FIP1L1: variants seen among roughly 807,000 people sequenced by gnomAD.
The protein encoded by FIP1L1 is factor interacting with PAPOLA and CPSF1.
In FIP1L1, 21 loss-of-function variants were observed where a neutral mutation model predicts 84.6. That is an observed-to-expected ratio of 0.25 (90% CI 0.18 to 0.36). The LOEUF (loss-of-function observed/expected upper bound fraction) is 0.36, where lower values mean the gene tolerates loss of function less well. Among genes scored for constraint, FIP1L1 ranks in the 10% least tolerant of loss-of-function variants. FIP1L1 has a pLI of 1.00. For synonymous variants in FIP1L1, 263 were observed against 242.3 expected (o/e 1.09, Z -0.80); for missense variants, 526 against 751.1 (o/e 0.70, Z 3.50).
intron 10 of FIP1L1, among the ~76,000 whole-genome samples, chr4:53,408,609 CT>C (rs1755192578): frequency 6.6e-6 from 1 of 152,190 alleles, no homozygotes. Context: ...TGGTTCCATT[CT>C]CCCCGTCACT....
In FIP1L1 at chr4:53,460,103, A is replaced by G; in HGVS notation, c.*654A>G. 1 of 199,942 alleles carries G rather than the reference A, an allele frequency of 5.0e-6. No individual in the cohort carries two copies. The highest frequency in any genetic ancestry group is 1.0e-5 in the Non-Finnish European group (1 of 96,948). The allele number at this position is 199,942 out of a possible 1,614,324, so 12.4% of individuals were successfully genotyped here. A position where few individuals can be genotyped will look rare whatever the true frequency, so the allele number is the denominator to read the frequency against. On this transcript the variant is annotated 3_prime_UTR_variant, in exon 18 of 18. Transcript: ENST00000337488. The stretch of plus-strand genomic sequence containing the variant: ...TAGTTTCTAGGAGGCATGTGTACAC[A>G]CACTCTTCATTGTGGCACAAATTTA...
chr4:53,403,501 A>G (rs1365298464), intron 10 of FIP1L1, among the ~76,000 whole-genome samples: 1 of 152,220 alleles, frequency 6.6e-6, no homozygotes, highest in African/African-American at 2.4e-5. Flanking sequence ...AATGAGAAAT[A>G]AGTTTCTTTA....
At chr4:53,393,002 A>G (rs1745112000) in intron 9 of FIP1L1, among the ~76,000 whole-genome samples, 1 of 152,188 alleles carries the variant, frequency 6.6e-6, no homozygotes, top group Non-Finnish European at 1.5e-5. Context: ...ATGTGTGGCA[A>G]ACATTTTTTC....
In FIP1L1 at chr4:53,457,641, A is replaced by G. The variant is rs561708823; in HGVS notation, c.1500-1012A>G. 2.0e-5 allele frequency among the ~76,000 whole-genome samples: 3 copies of G among 152,222 alleles called. No homozygotes were observed. In the South Asian group the frequency reaches 6.2e-4, roughly 32 times the overall value. On this transcript the variant is annotated intron_variant, in intron 16 of 17. Transcript: ENST00000337488. ...ATTCCTTACCATCTTGATGTTTCAT[A>G]CAAATTACTACTTTCATAATTCATA...
At position 53,427,877 on chromosome 4, in the gene FIP1L1, A is replaced by AC. The variant is rs1764977997; in HGVS notation, c.1018-150_1018-149insC. 5 of 606,916 alleles carry AC rather than the reference A, an allele frequency of 8.2e-6. No individual in the cohort carries two copies. In the Admixed American group the frequency reaches 1.2e-4, roughly 15 times the overall value. 37.6% of individuals were successfully genotyped at this position (606,916 alleles called of 1,614,324 possible). A position where few individuals can be genotyped will look rare whatever the true frequency, so the allele number is the denominator to read the frequency against. On this transcript the variant is annotated intron_variant, in intron 12 of 17. Transcript: ENST00000337488. ...AGGCGTATGTATACACATATCACAC[A>AC]TGTAGAACTATTACTCTCCCCCCAA... is the stretch of plus-strand genomic sequence containing the variant.
chr4:53,436,541 G>A (rs1318494558), intron 13 of FIP1L1, among the ~76,000 whole-genome samples: 1 of 152,100 alleles, frequency 6.6e-6, no homozygotes. Context: ...AACATCCTTT[G>A]ATTTTTTTTG....
chr4:53,435,827 G>A (rs541272984), intron 13 of FIP1L1, among the ~76,000 whole-genome samples: 8 of 14,376 alleles, frequency 5.6e-4, no homozygotes, highest in East Asian at 5.3e-3. Flanking sequence ...GATGATACAC[G>A]TGTGTGTGCG....
intron 1 of FIP1L1, 49 bp downstream of exon 1, chr4:53,377,972 C>T (rs1179404307): frequency 1.4e-6 from 2 of 1,454,648 alleles, no homozygotes; most frequent in Admixed American, 2.4e-5. Flanking sequence ...GGCCTCCCCT[C>T]TTGGCCCTCA....
intron 15 of FIP1L1, among the ~76,000 whole-genome samples, chr4:53,445,687 G>C (rs1279496503): frequency 6.6e-6 from 1 of 152,158 alleles, no homozygotes; most frequent in Non-Finnish European, 1.5e-5. Flanking sequence ...CTGGTGCCTT[G>C]TCCATGCCGA....
At chr4:53,444,657 C>T (rs1773431281) in intron 15 of FIP1L1, among the ~76,000 whole-genome samples, 2 of 151,942 alleles carry the variant, frequency 1.3e-5, no homozygotes, top group Admixed American at 1.3e-4. Context: ...TGCAGTGGTG[C>T]GATCATGGCT....
At chr4:53,421,900 G>C (rs1762566415) in intron 11 of FIP1L1, among the ~76,000 whole-genome samples, 1 of 152,096 alleles carries the variant, frequency 6.6e-6, no homozygotes, top group African/African-American at 2.4e-5. Context: ...AGAGAACCAT[G>C]TTGCTAGTTA....
intron 5 of FIP1L1, among the ~76,000 whole-genome samples, chr4:53,385,506 C>CA (rs1170212821): frequency 6.6e-6 from 1 of 151,962 alleles, no homozygotes; most frequent in Admixed American, 6.5e-5. Flanking sequence ...CAAAACTCTT[C>CA]AAAAAAACAA....
chr4:53,379,090 G>A lies in FIP1L1; in HGVS notation c.103G>A (p.Val35Met). The change falls in exon 2 of 18, where the codon GTG becomes ATG. Residue 35 changes from valine (V) to methionine (M), a missense_variant. This residue lies in a region of FIP1L1 where 100 missense variants were observed against 107.2 expected (regional missense o/e 0.93). Transcript: ENST00000337488. Reference sequence around the variant, plus strand: ...GCTTATAGGCCCATGGGACGTGCATGTGCACAGTGATTTGGCAAAGGACCT... The same window carrying A: ...GCTTATAGGCCCATGGGACGTGCATATGCACAGTGATTTGGCAAAGGACCT... ...WLYGGPWDVH[V>M]HSDLAKDLDE... 1 of 1,614,078 alleles carries A rather than the reference G, an allele frequency of 6.2e-7. No homozygotes were observed. Among genetic ancestry groups the A allele is most frequent in the Non-Finnish European group, 8.5e-7 (1 of 1,179,966 alleles).
chr4:53,415,136 A>T (rs1196026352), intron 11 of FIP1L1, among the ~76,000 whole-genome samples: 1 of 152,134 alleles, frequency 6.6e-6, no homozygotes, highest in Non-Finnish European at 1.5e-5. Flanking sequence ...TTCCAATCTT[A>T]TACCCACTAC....
At chr4:53,436,341 C>T (rs1769189378) in intron 13 of FIP1L1, among the ~76,000 whole-genome samples, 1 of 152,230 alleles carries the variant, frequency 6.6e-6, no homozygotes, top group South Asian at 2.1e-4. Flanking sequence ...TGTCTCCAAG[C>T]TCACTCACCT....
intron 11 of FIP1L1, among the ~76,000 whole-genome samples, chr4:53,420,516 TGTA>T (rs1762006371): frequency 6.6e-6 from 1 of 151,816 alleles, no homozygotes; most frequent in South Asian, 2.1e-4. Context: ...TCTCTTTAAA[TGTA>T]GTACTGATAG....
intron 16 of FIP1L1, among the ~76,000 whole-genome samples, chr4:53,458,003 G>A (rs1416017270): frequency 6.6e-6 from 1 of 151,840 alleles, no homozygotes; most frequent in Non-Finnish European, 1.5e-5. Context: ...TATTAGCCAT[G>A]TAGCCCCCCT....
intron 10 of FIP1L1, among the ~76,000 whole-genome samples, chr4:53,406,713 C>G (rs982464398): frequency 1.3e-5 from 2 of 152,152 alleles, no homozygotes; most frequent in African/African-American, 4.8e-5. Flanking sequence ...TTCAGGGATT[C>G]AACTTCTTCC....
intron 10 of FIP1L1, among the ~76,000 whole-genome samples, chr4:53,406,441 G>C (rs188300863): frequency 1.1e-3 from 165 of 152,276 alleles, no homozygotes; most frequent in African/African-American, 3.8e-3. Flanking sequence ...TTGCGTCAAT[G>C]TTCATCAGGG....
Sources: gnomAD v4.1 joint callset for allele counts (sites outside exome capture counted in the v4.1 genomes callset) on GRCh38, gnomAD v4.1.1 for gene constraint, gnomAD v4.1.1 regional missense constraint, MANE v1.5 for transcripts, NCBI Gene and HGNC (gene_info 2026-07-23, HGNC 2026-07-21) for gene names.